PCSK2: variants seen among roughly 807,000 people sequenced by gnomAD.
PCSK2 encodes neuroendocrine convertase 2.
PCSK2 carries 14 observed loss-of-function variants against 69.7 expected under a neutral mutation model. The observed-to-expected ratio is 0.20, with a 90% CI of 0.13 to 0.31. The LOEUF (loss-of-function observed/expected upper bound fraction) is 0.31. Ranked by LOEUF, PCSK2 falls within the 10% of genes least tolerant of loss-of-function variation. The pLI, the probability that PCSK2 is intolerant of heterozygous loss-of-function variation, is 1.00. For synonymous variants in PCSK2, 307 were observed against 320.7 expected (o/e 0.96, Z 0.46); for missense variants, 544 against 842.5 (o/e 0.65, Z 4.39).
At chr20:17,352,439 T>A (rs1443954721) in intron 2 of PCSK2, among the ~76,000 whole-genome samples, 1 of 152,282 alleles carries the variant, frequency 6.6e-6, no homozygotes, top group African/African-American at 2.4e-5. Context: ...CATTACCCAA[T>A]GTCATATTAT....
chr20:17,377,544 A>G (rs567427468), intron 5 of PCSK2, among the ~76,000 whole-genome samples: 127 of 152,378 alleles, frequency 8.3e-4, no homozygotes, highest in Non-Finnish European at 1.6e-3. Flanking sequence ...TTGATCACAT[A>G]CATTGCTTCT....
At chr20:17,377,308 C>T (rs988169958) in intron 5 of PCSK2, among the ~76,000 whole-genome samples, 2 of 152,212 alleles carry the variant, frequency 1.3e-5, no homozygotes, top group African/African-American at 4.8e-5. Context: ...AGGCCCACCC[C>T]TACATTCCTG....
intron 5 of PCSK2, among the ~76,000 whole-genome samples, chr20:17,396,914 A>C (rs1382757006): frequency 6.6e-6 from 1 of 152,178 alleles, no homozygotes; most frequent in Non-Finnish European, 1.5e-5. Context: ...GAGAAATCCA[A>C]CCAGGCTGGA....
At chr20:17,480,553 A>G (rs1037214646) in intron 11 of PCSK2, among the ~76,000 whole-genome samples, 2 of 152,200 alleles carry the variant, frequency 1.3e-5, no homozygotes, top group African/African-American at 2.4e-5. Context: ...CAAAGCACTT[A>G]GCACTTTGAA....
At chr20:17,313,249 C>G (rs1410340852) in intron 2 of PCSK2, among the ~76,000 whole-genome samples, 3 of 152,100 alleles carry the variant, frequency 2.0e-5, no homozygotes, top group Admixed American at 6.5e-5. Flanking sequence ...CACAGCACAC[C>G]TCAACTCAGA....
At chr20:17,333,927 ATATATATATG>A (rs1255159922) in intron 2 of PCSK2, among the ~76,000 whole-genome samples, 5 of 140,196 alleles carry the variant, frequency 3.6e-5, no homozygotes, top group South Asian at 2.3e-4. Context: ...ATATATATAT[ATATATATATG>A]GCTTCAAATC....
chr20:17,269,015 G>A (rs2123019694), intron 2 of PCSK2, among the ~76,000 whole-genome samples: 1 of 152,324 alleles, frequency 6.6e-6, no homozygotes, highest in Admixed American at 6.5e-5. Context: ...ACTATAGAAT[G>A]AAATGGCACT....
chr20:17,320,643 A>G (rs983787540), intron 2 of PCSK2, among the ~76,000 whole-genome samples: 8 of 152,164 alleles, frequency 5.3e-5, no homozygotes, highest in South Asian at 2.1e-4. Context: ...CATCCACCCA[A>G]TGGGAAGAAA....
chr20:17,288,307 A>G (rs1380847990), intron 2 of PCSK2, among the ~76,000 whole-genome samples: 1 of 152,190 alleles, frequency 6.6e-6, no homozygotes, highest in Non-Finnish European at 1.5e-5. Flanking sequence ...CATTTCAAGA[A>G]GGGGAGAGGC....
In PCSK2 at chr20:17,259,761, G is replaced by A. The variant is rs537803193; in HGVS notation, c.178-479G>A. ...GCTCAGCCTGATAAAAGGCACCAAG[G>A]GTTCACAGAAAAAGCCCAAGACACA... On this transcript the variant is annotated intron_variant, in intron 1 of 11. Coordinates refer to ENST00000262545, the MANE Select transcript of PCSK2 (RefSeq NM_002594.5). 3.9e-5 allele frequency among the ~76,000 whole-genome samples: 6 copies of A among 152,218 alleles called. No individual in the cohort carries two copies. In the South Asian group the frequency reaches 8.3e-4, roughly 21 times the overall value.
At chr20:17,443,554 G>T (rs532186584) in intron 8 of PCSK2, among the ~76,000 whole-genome samples, 1 of 152,224 alleles carries the variant, frequency 6.6e-6, no homozygotes, top group East Asian at 1.9e-4. Flanking sequence ...AGCAGACATG[G>T]ATTTTCACTG....
At chr20:17,354,939 G>A (rs1600516742) in intron 2 of PCSK2, among the ~76,000 whole-genome samples, 2 of 152,102 alleles carry the variant, frequency 1.3e-5, no homozygotes, top group Admixed American at 6.5e-5. Context: ...TGTAACAAGT[G>A]AAAGCATATA....
At chr20:17,410,126 AT>A (rs60293985) in intron 6 of PCSK2, among the ~76,000 whole-genome samples, 4,358 of 147,760 alleles carry the variant, frequency 0.029, 86 homozygotes, top group Admixed American at 0.045. Context: ...CACTTTATCC[AT>A]TTTTTTTTTT....
chr20:17,390,473 C>T (rs561576684), intron 5 of PCSK2, among the ~76,000 whole-genome samples: 1 of 152,248 alleles, frequency 6.6e-6, no homozygotes, highest in East Asian at 1.9e-4. Context: ...TCAGTTACCA[C>T]CAAAAATGCC....
At chr20:17,315,774 C>T (rs544540605) in intron 2 of PCSK2, among the ~76,000 whole-genome samples, 73 of 152,340 alleles carry the variant, frequency 4.8e-4, no homozygotes, top group African/African-American at 1.5e-3. Context: ...ATCGCCGACA[C>T]GGTCTCCTGC....
chr20:17,343,707 C>T (rs1030869802), intron 2 of PCSK2, among the ~76,000 whole-genome samples: 1 of 152,154 alleles, frequency 6.6e-6, no homozygotes, highest in Non-Finnish European at 1.5e-5. Flanking sequence ...TCACGAGTAT[C>T]CTTACAAGAG....
intron 8 of PCSK2, among the ~76,000 whole-genome samples, chr20:17,437,755 G>C (rs1366001673): frequency 6.6e-6 from 1 of 152,208 alleles, no homozygotes; most frequent in Admixed American, 6.5e-5. Context: ...TACTACGCTT[G>C]GGATGCTCTG....
At chr20:17,250,708 T>A (rs1322888153) in intron 1 of PCSK2, among the ~76,000 whole-genome samples, 2 of 152,110 alleles carry the variant, frequency 1.3e-5, no homozygotes, top group African/African-American at 4.8e-5. Flanking sequence ...TTTCTTATTT[T>A]AAAAAAACAC....
chr20:17,268,028 A>T (rs1459357088), intron 2 of PCSK2, among the ~76,000 whole-genome samples: 4 of 45,828 alleles, frequency 8.7e-5, no homozygotes, highest in African/African-American at 2.9e-4. Flanking sequence ...TTATATATCC[A>T]ATGTGTATAT....
Sources: gnomAD v4.1 joint callset for allele counts (sites outside exome capture counted in the v4.1 genomes callset) on GRCh38, gnomAD v4.1.1 for gene constraint, MANE v1.5 for transcripts, NCBI Gene and HGNC (gene_info 2026-07-23, HGNC 2026-07-21) for gene names.